Variants in DEPDC4 observed in about 807,000 individuals in gnomAD.
DEPDC4 encodes DEP domain-containing protein 4.
Under a neutral mutation model 52.0 loss-of-function variants are expected in DEPDC4, and 52 were observed. That is an observed-to-expected ratio of 1.00 (90% CI 0.80 to 1.26). The LOEUF (loss-of-function observed/expected upper bound fraction) is 1.26. DEPDC4 is among the 50% of genes most tolerant of loss of function. The pLI, the probability that DEPDC4 is intolerant of heterozygous loss-of-function variation, is 0.00. For synonymous variants in DEPDC4, 201 were observed against 196.8 expected (o/e 1.02, Z -0.18); for missense variants, 530 against 546.9 (o/e 0.97, Z 0.31).
chr12:100,263,763 A>T lies in DEPDC4; in HGVS notation c.288T>A (p.Ala96=). 6.2e-7 allele frequency: 1 copy of T among 1,614,206 alleles called. No individual in the cohort carries two copies. Among genetic ancestry groups the T allele is most frequent in the Non-Finnish European group, 8.5e-7 (1 of 1,180,032 alleles). ...TYKDCFTGSD[A]VDVVLSHLMQ... ...TAAGATGACTTAAGACCACATCGAC[A>T]GCATCAGAACCAGTGAAACAGTCTT... is the stretch of plus-strand genomic sequence containing the variant. Residue 96 remains alanine (A), a synonymous_variant, in exon 2 of 10, where the codon GCT becomes GCA. Coordinates refer to ENST00000550587, the MANE Select transcript of DEPDC4 (RefSeq NM_001364818.2).
intron 7 of DEPDC4, 44 bp from the exon 8 acceptor site, chr12:100,249,022 T>C: frequency 2.4e-6 from 2 of 839,146 alleles, no homozygotes; most frequent in Non-Finnish European, 2.9e-6. Flanking sequence ...ATGATTTTTT[T>C]CTAGCCAGCA....
intron 5 of DEPDC4, among the ~76,000 whole-genome samples, 191 bp from the exon 6 acceptor site, chr12:100,252,727 C>T (rs1379302223): frequency 2.6e-5 from 4 of 152,062 alleles, no homozygotes; most frequent in Admixed American, 6.6e-5. Context: ...ATGTAATATG[C>T]GATGTAGCTA....
chr12:100,258,686 CT>C (rs2096243235), intron 3 of DEPDC4, among the ~76,000 whole-genome samples: 1 of 147,410 alleles, frequency 6.8e-6, no homozygotes, highest in South Asian at 2.2e-4. Flanking sequence ...GGGGAAATAC[CT>C]TTAAAAGTAT....
chr12:100,279,927 A>G, the DEPDC4 span, among the ~76,000 whole-genome samples: 2 of 152,210 alleles, frequency 1.3e-5, no homozygotes, highest in African/African-American at 2.4e-5. Context: ...GCATAGCTTC[A>G]TTCACTTTGA....
chr12:100,269,026 T>C (rs1361229810), upstream of DEPDC4, among the ~76,000 whole-genome samples: 3 of 152,226 alleles, frequency 2.0e-5, no homozygotes, highest in Non-Finnish European at 4.4e-5. Context: ...ATGGTCTGCT[T>C]GCATCTACTG....
upstream of DEPDC4, chr12:100,267,115 C>T (rs989788497): frequency 4.4e-6 from 7 of 1,595,626 alleles, no homozygotes; most frequent in African/African-American, 2.7e-5. Flanking sequence ...GAGAGAAGTA[C>T]TGGCTCCGCC....
upstream of DEPDC4, among the ~76,000 whole-genome samples, chr12:100,271,431 A>G (rs1361289279): frequency 6.6e-6 from 1 of 152,150 alleles, no homozygotes; most frequent in Non-Finnish European, 1.5e-5. Context: ...CTTGAATGTA[A>G]TTCTTAATTA....
At chr12:100,267,222 C>T, upstream of DEPDC4, 1 of 825,698 alleles carries the variant, frequency 1.2e-6, no homozygotes, top group Non-Finnish European at 1.8e-6. Flanking sequence ...TCCCTCCCCT[C>T]CCCACCCCTT....
At chr12:100,277,633 G>T in the DEPDC4 span, among the ~76,000 whole-genome samples, 1 of 151,998 alleles carries the variant, frequency 6.6e-6, no homozygotes, top group Admixed American at 6.5e-5. Flanking sequence ...ATATAGTTAG[G>T]TCTTGCTTTT....
At chr12:100,258,934 C>T (rs12371052) in intron 3 of DEPDC4, among the ~76,000 whole-genome samples, 22,946 of 151,768 alleles carry the variant, frequency 0.15, 2,186 homozygotes, top group Non-Finnish European at 0.21. Flanking sequence ...AGCTGTGTGT[C>T]ATGGTGTGTG....
chr12:100,245,271 C>G (rs945720494), intron 8 of DEPDC4, among the ~76,000 whole-genome samples: 1 of 152,004 alleles, frequency 6.6e-6, no homozygotes, highest in African/African-American at 2.4e-5. Flanking sequence ...ATTTGAGTCA[C>G]TTTTCTGTTT....
chr12:100,231,875 G>A (rs565174356), intron 9 of DEPDC4, among the ~76,000 whole-genome samples: 1 of 151,994 alleles, frequency 6.6e-6, no homozygotes, highest in Admixed American at 6.6e-5. Context: ...AACCTGAGAG[G>A]CAGAGGTTGC....
intron 3 of DEPDC4, among the ~76,000 whole-genome samples, chr12:100,259,591 T>C (rs1017725560): frequency 2.0e-5 from 3 of 152,236 alleles, no homozygotes; most frequent in Non-Finnish European, 1.5e-5. Context: ...CATGCTGTAT[T>C]GCTCTAATCA....
the DEPDC4 span, among the ~76,000 whole-genome samples, chr12:100,276,900 T>G: frequency 6.6e-6 from 1 of 152,132 alleles, no homozygotes; most frequent in Non-Finnish European, 1.5e-5. Flanking sequence ...ATAGATTTCT[T>G]TGTAAGTACT....
chr12:100,279,246 A>G, the DEPDC4 span, among the ~76,000 whole-genome samples: 1 of 152,204 alleles, frequency 6.6e-6, no homozygotes, highest in African/African-American at 2.4e-5. Flanking sequence ...AGGAGCACAC[A>G]ACCTAGGTCC....
At chr12:100,246,123 G>GTT (rs34475855) in intron 8 of DEPDC4, among the ~76,000 whole-genome samples, 203 of 135,392 alleles carry the variant, frequency 1.5e-3, no homozygotes, top group African/African-American at 3.2e-3. Flanking sequence ...CTACGCCTGG[G>GTT]TTTTTTTTTT....
downstream of DEPDC4, among the ~76,000 whole-genome samples, chr12:100,238,409 C>A (rs939595550): frequency 3.3e-5 from 5 of 151,694 alleles, no homozygotes; most frequent in African/African-American, 1.2e-4. Flanking sequence ...ATCTGCCTGC[C>A]TTGGCCTACC....
chr12:100,260,958 A>T (rs2096251594), intron 3 of DEPDC4, among the ~76,000 whole-genome samples: 1 of 152,138 alleles, frequency 6.6e-6, no homozygotes, highest in African/African-American at 2.4e-5. Flanking sequence ...AGGTGGGTGG[A>T]TCACTTGAGG....
At chr12:100,249,905 C>T (rs919996882) in intron 7 of DEPDC4, among the ~76,000 whole-genome samples, 2 of 152,154 alleles carry the variant, frequency 1.3e-5, no homozygotes, top group Non-Finnish European at 1.5e-5. Flanking sequence ...TAGGCAAATA[C>T]ATAATACATA....
Sources: gnomAD v4.1 joint callset for allele counts (sites outside exome capture counted in the v4.1 genomes callset) on GRCh38, gnomAD v4.1.1 for gene constraint, MANE v1.5 for transcripts, NCBI Gene and HGNC (gene_info 2026-07-23, HGNC 2026-07-21) for gene names.